POLR3B: variants seen among roughly 807,000 people sequenced by gnomAD.
POLR3B encodes DNA-directed RNA polymerase III subunit RPC2.
Under a neutral mutation model 147.4 loss-of-function variants are expected in POLR3B, and 96 were observed. That is an observed-to-expected ratio of 0.65 (90% CI 0.55 to 0.77). The LOEUF is 0.77. Among genes scored for constraint, POLR3B ranks in the 30% least tolerant of loss-of-function variants. The pLI, the probability that POLR3B is intolerant of heterozygous loss-of-function variation, is 0.00. For missense variants in POLR3B, 1,036 were observed against 1,413.5 expected (o/e 0.73, Z 4.28); for synonymous variants, 461 against 485.9 (o/e 0.95, Z 0.67).
chr12:106,457,285 T>C lies in POLR3B; in HGVS notation c.2441T>C (p.Ile814Thr). 1 of 1,613,554 alleles carries C rather than the reference T, an allele frequency of 6.2e-7. No individual in the cohort carries two copies. Among genetic ancestry groups the C allele is most frequent in the Non-Finnish European group, 8.5e-7 (1 of 1,179,496 alleles). Reference sequence around the variant, plus strand: ...CATGAAATCTTAGATGCAGATGGTATTTGTTCTCCAGGTAAAAGCCTTTTA... The same window carrying C: ...CATGAAATCTTAGATGCAGATGGTACTTGTTCTCCAGGTAAAAGCCTTTTA... ...WRHEILDADGICSPGEKVENK... is the reference protein window; with the variant it reads ...WRHEILDADGTCSPGEKVENK... The change falls in exon 21 of 28, where the codon ATT (isoleucine) becomes ACT (threonine). Residue 814 changes from isoleucine (I) to threonine (T), a missense_variant. This residue lies in a region of POLR3B where 202 missense variants were observed against 272.8 expected (regional missense o/e 0.74). Coordinates refer to ENST00000228347, the MANE Select transcript of POLR3B (RefSeq NM_018082.6).
chr12:106,470,814 G>A (rs532139097), intron 23 of POLR3B, among the ~76,000 whole-genome samples: 7 of 152,156 alleles, frequency 4.6e-5, no homozygotes, highest in Admixed American at 1.3e-4. Context: ...ATTGCTGCCC[G>A]ATCCTTCCTC....
chr12:106,390,371 C>A (rs1173311299), intron 9 of POLR3B, among the ~76,000 whole-genome samples: 2 of 150,584 alleles, frequency 1.3e-5, no homozygotes, highest in African/African-American at 4.9e-5. Context: ...GAATTCTGTT[C>A]TAATATTTGT....
intron 19 of POLR3B, 23 bp downstream of exon 19, chr12:106,444,613 T>C (rs1342882149): frequency 1.9e-6 from 3 of 1,612,290 alleles, no homozygotes; most frequent in Non-Finnish European, 2.5e-6. Flanking sequence ...TCTTGAAAGT[T>C]GGTTCTAAAT....
chr12:106,477,891 C>CCTTTTTTTTTTT (rs1565909279), intron 23 of POLR3B, among the ~76,000 whole-genome samples: 2 of 70,478 alleles, frequency 2.8e-5, no homozygotes, highest in African/African-American at 5.5e-5. Context: ...GGCTCCTCCC[C>CCTTTTTTTTTTT]TTTTTTTTTT....
intron 10 of POLR3B, among the ~76,000 whole-genome samples, chr12:106,399,977 A>G (rs181059091): frequency 4.7e-4 from 71 of 152,382 alleles, no homozygotes; most frequent in African/African-American, 1.6e-3. Context: ...AAATTCACAC[A>G]TAACGATATT....
chr12:106,358,729 G>T (rs7962022), intron 1 of POLR3B, among the ~76,000 whole-genome samples: 2,377 of 152,308 alleles, frequency 0.016, 60 homozygotes, highest in African/African-American at 0.054. Flanking sequence ...ACCATTGGAT[G>T]TTTTTGAGGA....
At chr12:106,503,432 C>A (rs1046618283) in intron 26 of POLR3B, among the ~76,000 whole-genome samples, 1 of 152,148 alleles carries the variant, frequency 6.6e-6, no homozygotes, top group East Asian at 1.9e-4. Context: ...TGCCAGGGAG[C>A]TTGCTTTTTT....
chr12:106,366,587 T>G lies in POLR3B; in HGVS notation c.162+15T>G, dbSNP rs1330136482. The G allele has an allele frequency of 6.2e-7, 1 of 1,601,868 alleles. No individual in the cohort carries two copies. The highest frequency in any genetic ancestry group is 8.6e-7 in the Non-Finnish European group (1 of 1,168,858). On this transcript the variant is annotated intron_variant, in intron 3 of 27. Transcript: ENST00000228347. ...TTAATGTAGAGGTAAGCATCAGATG[T>G]TAGAAATAGACATAAACTAAGGATT...
chr12:106,507,842 G>A lies in POLR3B; in HGVS notation c.3273-1578G>A, dbSNP rs953643779. 8.8e-6 allele frequency: 4 copies of A among 454,418 alleles called. No individual in the cohort carries two copies. In the East Asian group the frequency reaches 2.1e-4, roughly 24 times the overall value. The allele number at this position is 454,418 out of a possible 1,614,324, so 28.1% of individuals were successfully genotyped here. ...TAATACAAGCTTTATTTTACTGATT[G>A]CAAAAATGATCCCTGCTCATTGTAA... On this transcript the variant is annotated intron_variant, in intron 27 of 27. Transcript: ENST00000228347.
At chr12:106,394,334 T>G (rs1006474521) in intron 10 of POLR3B, among the ~76,000 whole-genome samples, 1 of 152,146 alleles carries the variant, frequency 6.6e-6, no homozygotes, top group African/African-American at 2.4e-5. Flanking sequence ...ATTTTTGGCC[T>G]TTATCAAAAA....
chr12:106,482,124 C>A (rs2038275802), intron 23 of POLR3B, among the ~76,000 whole-genome samples: 1 of 152,198 alleles, frequency 6.6e-6, no homozygotes, highest in African/African-American at 2.4e-5. Flanking sequence ...ATTGTTGTAA[C>A]TAAGGTCTAC....
At chr12:106,507,784 C>G (rs1355663159) in intron 27 of POLR3B, 1 of 456,058 alleles carries the variant, frequency 2.2e-6, no homozygotes, top group Non-Finnish European at 4.4e-6. Context: ...CGTGCACATT[C>G]TCAGCCTCAG....
chr12:106,438,064 C>T (rs2037601478), intron 18 of POLR3B, among the ~76,000 whole-genome samples: 1 of 152,120 alleles, frequency 6.6e-6, no homozygotes, highest in Non-Finnish European at 1.5e-5. Context: ...AACAGTCCCC[C>T]TGGTGTGTGT....
At position 106,366,585 on chromosome 12, in the gene POLR3B, T is replaced by G. The variant is rs1440116963; in HGVS notation, c.162+13T>G. ...CATTAATGTAGAGGTAAGCATCAGATGTTAGAAATAGACATAAACTAAGGA... is the reference window on the plus strand; with the variant it reads ...CATTAATGTAGAGGTAAGCATCAGAGGTTAGAAATAGACATAAACTAAGGA... On this transcript the variant is annotated intron_variant, in intron 3 of 27. Transcript: ENST00000228347. 6.2e-7 allele frequency: 1 copy of G among 1,602,878 alleles called. No individual in the cohort carries two copies.
At chr12:106,452,145 A>T (rs1164226870) in intron 19 of POLR3B, among the ~76,000 whole-genome samples, 1 of 152,200 alleles carries the variant, frequency 6.6e-6, no homozygotes, top group Non-Finnish European at 1.5e-5. Context: ...TCAGCCATTC[A>T]TTATTTTTAT....
rs533882363 is a variant in POLR3B at position 106,494,819 on chromosome 12, A to G, written c.2714-1236A>G. Among the ~76,000 whole-genome samples, 10 of 152,348 alleles carry G rather than the reference A, an allele frequency of 6.6e-5. No individual in the cohort carries two copies. The South Asian group carries it at 2.1e-3, about 32-fold the overall frequency. On this transcript the variant is annotated intron_variant, in intron 23 of 27. Coordinates refer to ENST00000228347, the MANE Select transcript of POLR3B (RefSeq NM_018082.6). ...ACCCAAAAGCCAATTTAAACTAACT[A>G]CATGCTCTAGAATTCAACTCCACAA...
intron 18 of POLR3B, among the ~76,000 whole-genome samples, chr12:106,442,725 A>G (rs752884598): frequency 1.3e-5 from 2 of 150,716 alleles, no homozygotes; most frequent in African/African-American, 5.0e-5. Context: ...ACATCACTTC[A>G]GTCCACAGGT....
chr12:106,390,140 T>C (rs918721023), intron 9 of POLR3B, among the ~76,000 whole-genome samples: 8 of 150,518 alleles, frequency 5.3e-5, no homozygotes, highest in Non-Finnish European at 8.9e-5. Context: ...ATCACTTGAA[T>C]CCGGGAGGCA....
At chr12:106,358,105 T>G in intron 1 of POLR3B, 154 bp downstream of exon 1, 1 of 1,510,572 alleles carries the variant, frequency 6.6e-7, no homozygotes, top group Non-Finnish European at 8.8e-7. Flanking sequence ...TGCGAGTCTT[T>G]TTTCCAGAGC....
Sources: allele counts gnomAD v4.1 joint callset (sites outside exome capture counted in the v4.1 genomes callset), GRCh38; gene constraint gnomAD v4.1.1; regional missense constraint gnomAD v4.1.1; transcripts MANE v1.5; gene names NCBI Gene and HGNC (gene_info 2026-07-23, HGNC 2026-07-21).